Variants in RBMS3 observed in about 807,000 individuals in gnomAD.
The protein encoded by RBMS3 is RNA binding motif single stranded interacting protein 3.
In RBMS3, 27 loss-of-function variants were observed where a neutral mutation model predicts 66.8. That is an observed-to-expected ratio of 0.40 (90% CI 0.30 to 0.56). The LOEUF is 0.56. Ranked by LOEUF, RBMS3 falls within the 20% of genes least tolerant of loss-of-function variation. The probability of loss-of-function intolerance (pLI) is 0.40; values close to 1 mark genes in which losing one functional copy is unlikely to be tolerated. For synonymous variants in RBMS3, 188 were observed against 183.0 expected (o/e 1.03, Z -0.22); for missense variants, 513 against 549.5 (o/e 0.93, Z 0.66).
intron 7 of RBMS3, among the ~76,000 whole-genome samples, chr3:29,872,045 T>A (rs183357094): frequency 1.2e-3 from 184 of 152,200 alleles, no homozygotes; most frequent in Non-Finnish European, 1.3e-3. Flanking sequence ...TATTAACTAA[T>A]CTTTCAAGAG....
intron 7 of RBMS3, among the ~76,000 whole-genome samples, chr3:29,881,016 G>C (rs1313017057): frequency 1.5e-5 from 2 of 136,078 alleles, no homozygotes; most frequent in Non-Finnish European, 3.2e-5. Context: ...GAAATACTCA[G>C]TAGCTCCCCC....
At position 29,281,150 on chromosome 3, in the gene RBMS3, T is replaced by C. The variant is rs566092412; in HGVS notation, c.-532T>C. The stretch of plus-strand genomic sequence containing the variant: ...TTTTTTTTCTTCCTTTTTTTCTTTT[T>C]TTTTTTCTTTTTCCCCTTTCTTTTT... On this transcript the variant is annotated 5_prime_UTR_variant, in exon 1 of 15. Transcript: ENST00000383767. The C allele has an allele frequency of 8.0e-5, 12 of 149,736 alleles. No homozygotes were observed. Among genetic ancestry groups the C allele is most frequent in the Admixed American group, 4.0e-4 (6 of 15,016 alleles). 9.3% of individuals were successfully genotyped at this position (149,736 alleles called of 1,614,324 possible). A position where few individuals can be genotyped will look rare whatever the true frequency, so the allele number is the denominator to read the frequency against.
chr3:29,304,015 A>G (rs1228111616), intron 1 of RBMS3, among the ~76,000 whole-genome samples: 1 of 151,992 alleles, frequency 6.6e-6, no homozygotes, highest in African/African-American at 2.4e-5. Context: ...AACTGCCCCC[A>G]TGATTCAAAT....
At chr3:29,987,966 C>G (rs3773122) in intron 12 of RBMS3, 177 bp from the exon 13 acceptor site, 17,021 of 542,752 alleles carry the variant, frequency 0.031, 781 homozygotes, top group East Asian at 0.19. Flanking sequence ...ACTTAATCAG[C>G]AAGCAAAGGC....
chr3:29,839,023 G>A (rs551536204), intron 6 of RBMS3, among the ~76,000 whole-genome samples: 1 of 152,116 alleles, frequency 6.6e-6, no homozygotes, highest in Non-Finnish European at 1.5e-5. Context: ...TCATTACGGG[G>A]TAAGTTCTTA....
intron 4 of RBMS3, among the ~76,000 whole-genome samples, chr3:29,696,791 G>A (rs540664977): frequency 6.6e-6 from 1 of 152,192 alleles, no homozygotes; most frequent in South Asian, 2.1e-4. Context: ...TACCACTGTG[G>A]GTGACTGCAG....
Position 29,648,263 on chromosome 3 carries a change from A to ATTTTTTTTTTTTTTTTTTTTTTTTTTTTT in RBMS3, c.399+61080_399+61081insTTTTTTTTTTTTTTTTTTTTTTTTTTTTT, listed in dbSNP as rs749839563. On this transcript the variant is annotated intron_variant, in intron 4 of 14. Coordinates refer to ENST00000383767, the MANE Select transcript of RBMS3 (RefSeq NM_001003793.3). ...AACATAGGGAAAATAGAAAATGTCT[A>ATTTTTTTTTTTTTTTTTTTTTTTTTTTTT]TTTTTTTTTTTTTTTTTTTTTTGCG... Among the ~76,000 whole-genome samples, 42 of 77,642 alleles carry ATTTTTTTTTTTTTTTTTTTTTTTTTTTTT rather than the reference A, an allele frequency of 5.4e-4. 2 individuals carry two copies. The highest frequency in any genetic ancestry group is 6.8e-4 in the Non-Finnish European group (28 of 41,116). 50.9% of individuals were successfully genotyped at this position (77,642 alleles called of 152,430 possible). A position where few individuals can be genotyped will look rare whatever the true frequency, so the allele number is the denominator to read the frequency against.
intron 11 of RBMS3, among the ~76,000 whole-genome samples, chr3:29,941,357 A>C (rs1448066113): frequency 6.6e-6 from 1 of 151,614 alleles, no homozygotes; most frequent in East Asian, 2.0e-4. Context: ...TATGAATATA[A>C]ATATTAAGAC....
chr3:29,389,900 T>C (rs2039201800), intron 1 of RBMS3, among the ~76,000 whole-genome samples: 2 of 152,058 alleles, frequency 1.3e-5, no homozygotes, highest in South Asian at 4.1e-4. Context: ...GAGGTAGAAA[T>C]AGGGAATGGG....
intron 1 of RBMS3, among the ~76,000 whole-genome samples, chr3:29,300,695 A>C (rs1008407718): frequency 6.6e-6 from 1 of 152,008 alleles, no homozygotes; most frequent in East Asian, 1.9e-4. Flanking sequence ...AATGCTTTTG[A>C]ATATGCATTG....
In RBMS3 at chr3:29,823,064, T is replaced by C. The variant is rs530643955; in HGVS notation, c.638-45794T>C. On this transcript the variant is annotated intron_variant, in intron 6 of 14. Transcript: ENST00000383767. ...ATATTTACATTTTTAAATTCACATT[T>C]AAAATTTGTGTTGCAGCTTAACTTT... Among the ~76,000 whole-genome samples the C allele has an allele frequency of 4.6e-5, 7 of 152,288 alleles. No individual in the cohort carries two copies. The South Asian group carries it at 1.2e-3, about 27-fold the overall frequency.
At chr3:29,635,184 T>C (rs2049429069) in intron 4 of RBMS3, among the ~76,000 whole-genome samples, 1 of 151,840 alleles carries the variant, frequency 6.6e-6, no homozygotes, top group South Asian at 2.1e-4. Context: ...TACTTATATT[T>C]CCATATCAAA....
rs149627542 is a variant in RBMS3, at chr3:29,854,275, C to G, written c.638-14583C>G. 5.5e-3 allele frequency among the ~76,000 whole-genome samples: 841 copies of G among 152,296 alleles called. 10 individuals are homozygous for G. The highest frequency in any genetic ancestry group is 0.022 in the East Asian group (113 of 5,168). The stretch of plus-strand genomic sequence containing the variant: ...CATGTTGTGTTTCCGGGCCTGTCCC[C>G]GATGTCAAATCCTAGAGGCTAGGCC... On this transcript the variant is annotated intron_variant, in intron 6 of 14. Transcript: ENST00000383767.
At chr3:29,304,884 C>G (rs2033907899) in intron 1 of RBMS3, among the ~76,000 whole-genome samples, 1 of 151,922 alleles carries the variant, frequency 6.6e-6, no homozygotes, top group South Asian at 2.1e-4. Context: ...AGATATGGCT[C>G]TTCACCAACT....
intron 4 of RBMS3, among the ~76,000 whole-genome samples, chr3:29,658,437 G>C (rs1342539317): frequency 6.6e-6 from 1 of 152,152 alleles, no homozygotes; most frequent in African/African-American, 2.4e-5. Flanking sequence ...GATTTTGCTG[G>C]TTCGTAGACC....
At chr3:29,392,142 C>T (rs1265118734) in intron 1 of RBMS3, among the ~76,000 whole-genome samples, 1 of 152,034 alleles carries the variant, frequency 6.6e-6, no homozygotes, top group Admixed American at 6.6e-5. Context: ...CCCAGCTACT[C>T]GGGAGGCTGA....
chr3:29,879,227 T>G (rs961275579), intron 7 of RBMS3, among the ~76,000 whole-genome samples: 7 of 152,190 alleles, frequency 4.6e-5, no homozygotes, highest in African/African-American at 1.7e-4. Flanking sequence ...TATCGTGACT[T>G]GTTCACTAAA....
intron 1 of RBMS3, among the ~76,000 whole-genome samples, chr3:29,390,188 CTT>C (rs2039224279): frequency 1.3e-5 from 2 of 152,152 alleles, no homozygotes; most frequent in Admixed American, 6.5e-5. Context: ...TTTTTAAACT[CTT>C]TTGAAAATTG....
intron 13 of RBMS3, among the ~76,000 whole-genome samples, chr3:29,990,104 C>G (rs372546608): frequency 4.6e-5 from 7 of 152,036 alleles, no homozygotes; most frequent in Non-Finnish European, 7.4e-5. Context: ...AATTCATTCT[C>G]TATGTGAAAA....
Sources: allele counts gnomAD v4.1 joint callset (sites outside exome capture counted in the v4.1 genomes callset), GRCh38; gene constraint gnomAD v4.1.1; transcripts MANE v1.5; gene names NCBI Gene and HGNC (gene_info 2026-07-23, HGNC 2026-07-21).